The following RFX8 variants were observed in gnomAD, a reference collection of about 807,000 sequenced individuals.
RFX8 encodes DNA-binding protein RFX8.
Under a neutral mutation model 54.6 loss-of-function variants are expected in RFX8, and 46 were observed. That is an observed-to-expected ratio of 0.84 (90% CI 0.67 to 1.08). RFX8 has a LOEUF of 1.08. Ranked by LOEUF, RFX8 falls within the 50% of genes least tolerant of loss-of-function variation. The pLI, the probability that RFX8 is intolerant of heterozygous loss-of-function variation, is 0.00. For missense variants in RFX8, 536 were observed against 562.3 expected (o/e 0.95, Z 0.47); for synonymous variants, 192 against 209.5 (o/e 0.92, Z 0.72).
rs185327433 is a variant in RFX8, at chr2:101,413,909, T to C, written c.562-838A>G. Among the ~76,000 whole-genome samples, 107 of 151,820 alleles carry C rather than the reference T, an allele frequency of 7.0e-4. 2 individuals are homozygous for C. The East Asian group carries it at 0.02, about 28-fold the overall frequency. On this transcript the variant is annotated intron_variant, in intron 7 of 11. Coordinates refer to ENST00000428343, the MANE Select transcript of RFX8 (RefSeq NM_001145664.2). The stretch of plus-strand genomic sequence containing the variant: ...TGGGAGGATGGGGCCCAGCTCGGGG[T>C]CATGGAAGCCACAGTTGGGATCCTC...
At chr2:101,401,003 A>C (rs1009986532) in intron 11 of RFX8, among the ~76,000 whole-genome samples, 1 of 152,226 alleles carries the variant, frequency 6.6e-6, no homozygotes, top group African/African-American at 2.4e-5. Context: ...CTGCCAGCTA[A>C]GGAGGCCCAG....
intron 11 of RFX8, among the ~76,000 whole-genome samples, chr2:101,402,123 C>G (rs1037683242): frequency 2.0e-5 from 3 of 152,222 alleles, no homozygotes; most frequent in African/African-American, 7.2e-5. Flanking sequence ...GCCACTCAGA[C>G]GTTAGTGGTG....
In RFX8 at chr2:101,455,020, C is replaced by CTTTCT. The variant is rs1553458205; in HGVS notation, c.72+11756_72+11757insAGAAA. 1.1e-3 allele frequency among the ~76,000 whole-genome samples: 157 copies of CTTTCT among 142,332 alleles called. 1 individual carries two copies. Among genetic ancestry groups the CTTTCT allele is most frequent in the African/African-American group, 4.0e-3 (152 of 37,810 alleles). The allele number at this position is 142,332 out of a possible 152,430, so 93.4% of individuals were successfully genotyped here. ...TGCCTAGGTTTTCTTTTTCTTTTTT[C>CTTTCT]TTTTTTTTTTTGAGACAGAGTTTCA... On this transcript the variant is annotated intron_variant, in intron 2 of 11. Coordinates refer to ENST00000428343, the MANE Select transcript of RFX8 (RefSeq NM_001145664.2).
In RFX8 at chr2:101,421,751, G is replaced by A. The variant is rs1412440205; in HGVS notation, c.210C>T (p.Cys70=). The change falls in exon 4 of 12, where the codon TGC becomes TGT. Residue 70 remains cysteine, a synonymous_variant. Transcript: ENST00000428343. ...NMMAFLADEY[C]NYCRDILRNV... The stretch of plus-strand genomic sequence containing the variant: ...TTCGTAAAATGTCTCGACAATAGTT[G>A]CAGTATTCGTCAGCAAGGAAGGCCA... The A allele has an allele frequency of 1.3e-6, 2 of 1,549,648 alleles. No individual in the cohort carries two copies. The highest frequency in any genetic ancestry group is 2.0e-5 in the Admixed American group (1 of 50,536).
At chr2:101,414,493 C>T (rs1328966157) in intron 7 of RFX8, among the ~76,000 whole-genome samples, 2 of 150,838 alleles carry the variant, frequency 1.3e-5, no homozygotes, top group Non-Finnish European at 2.9e-5. Context: ...AGGCTGGTCT[C>T]GAACTCCTGA....
In RFX8 at chr2:101,406,077, A is replaced by G. The variant is rs148173497; in HGVS notation, c.814-20T>C. On this transcript the variant is annotated intron_variant, in intron 9 of 11. Transcript: ENST00000428343. ...GCTTGTCTGTTAAGTTTTTGTGAGAAAAAAGGCTGCAGTTTGTAATAAAAT... is the reference window on the plus strand; with the variant it reads ...GCTTGTCTGTTAAGTTTTTGTGAGAGAAAAGGCTGCAGTTTGTAATAAAAT... 1.2e-4 allele frequency: 161 copies of G among 1,397,684 alleles called. No homozygotes were observed. The African/African-American group carries it at 1.8e-3, about 16-fold the overall frequency. 86.6% of individuals were successfully genotyped at this position (1,397,684 alleles called of 1,614,324 possible).
At chr2:101,469,093 AGTATATATATATAAGT>A (rs1558896888) in intron 1 of RFX8, among the ~76,000 whole-genome samples, 435 of 15,308 alleles carry the variant, frequency 0.028, 20 homozygotes, top group Middle Eastern at 0.042. Flanking sequence ...TATATATATA[AGTATATATATATAAGT>A]GTATATATAT....
At chr2:101,421,161 A>ATAGTATAT (rs1399474088) in intron 4 of RFX8, 1 of 704,892 alleles carries the variant, frequency 1.4e-6, no homozygotes, top group Non-Finnish European at 1.7e-6. Flanking sequence ...TGCTTAGAAT[A>ATAGTATAT]TACTAAAGCA....
intron 2 of RFX8, among the ~76,000 whole-genome samples, chr2:101,456,636 G>C (rs141731900): frequency 1.3e-5 from 2 of 152,060 alleles, no homozygotes; most frequent in African/African-American, 4.8e-5. Flanking sequence ...GAGGATTTTC[G>C]TATCGATGTT....
intron 2 of RFX8, among the ~76,000 whole-genome samples, chr2:101,465,973 C>G (rs1689553352): frequency 6.6e-6 from 1 of 152,140 alleles, no homozygotes; most frequent in Admixed American, 6.5e-5. Context: ...TGTGAGCAGC[C>G]TCCATATTAG....
intron 2 of RFX8, among the ~76,000 whole-genome samples, chr2:101,442,233 G>C (rs796286405): frequency 1.2e-4 from 18 of 152,296 alleles, no homozygotes; most frequent in African/African-American, 3.8e-4. Context: ...TCAAGTACCA[G>C]ATGGAGGCCT....
intron 2 of RFX8, among the ~76,000 whole-genome samples, chr2:101,433,782 T>A (rs1687622282): frequency 6.6e-6 from 1 of 152,186 alleles, no homozygotes; most frequent in African/African-American, 2.4e-5. Flanking sequence ...TTGTTCCGTG[T>A]CAGATTTCAG....
At chr2:101,402,002 ACT>A (rs1002235170) in intron 11 of RFX8, among the ~76,000 whole-genome samples, 37 of 152,206 alleles carry the variant, frequency 2.4e-4, no homozygotes, top group African/African-American at 7.2e-4. Context: ...GTAAATAGTA[ACT>A]CTAATTTTTG....
intron 2 of RFX8, among the ~76,000 whole-genome samples, chr2:101,446,872 C>A (rs954655828): frequency 1.3e-5 from 2 of 152,158 alleles, no homozygotes; most frequent in Non-Finnish European, 2.9e-5. Flanking sequence ...GCCTACAGAT[C>A]AGCAAGTGAG....
chr2:101,403,996 A>G (rs1354433905), intron 10 of RFX8, among the ~76,000 whole-genome samples: 1 of 152,180 alleles, frequency 6.6e-6, no homozygotes, highest in East Asian at 1.9e-4. Flanking sequence ...ATCAATCACA[A>G]CCACCTGACA....
intron 6 of RFX8, among the ~76,000 whole-genome samples, chr2:101,416,699 A>G (rs1686534121): frequency 6.6e-6 from 1 of 152,166 alleles, no homozygotes; most frequent in Non-Finnish European, 1.5e-5. Context: ...TATTTCCAGG[A>G]TGATCCGACA....
At chr2:101,444,782 T>G (rs1446656410) in intron 2 of RFX8, among the ~76,000 whole-genome samples, 1 of 152,164 alleles carries the variant, frequency 6.6e-6, no homozygotes, top group Non-Finnish European at 1.5e-5. Flanking sequence ...AATAAATACA[T>G]CAAAGTACAG....
chr2:101,439,173 C>T (rs186102735), intron 2 of RFX8, among the ~76,000 whole-genome samples: 1 of 152,276 alleles, frequency 6.6e-6, no homozygotes, highest in East Asian at 1.9e-4. Context: ...CCTTCATGTG[C>T]TTATTTACAA....
At chr2:101,424,812 A>G (rs774242126) in intron 2 of RFX8, among the ~76,000 whole-genome samples, 1 of 152,192 alleles carries the variant, frequency 6.6e-6, no homozygotes, top group Non-Finnish European at 1.5e-5. Flanking sequence ...TGAGAATTGA[A>G]CAATGAGAAC....
Sources: gnomAD v4.1 joint callset for allele counts (sites outside exome capture counted in the v4.1 genomes callset) on GRCh38, gnomAD v4.1.1 for gene constraint, MANE v1.5 for transcripts, NCBI Gene and HGNC (gene_info 2026-07-23, HGNC 2026-07-21) for gene names.